Variants in SNX24 observed in about 807,000 individuals in gnomAD.
SNX24 encodes the protein sorting nexin 24, also known as sorting nexin-24.
In SNX24, 22 loss-of-function variants were observed where a neutral mutation model predicts 28.7. The ratio of observed to expected loss-of-function variants is 0.77; its 90% CI spans 0.55 to 1.10. The LOEUF is 1.10. SNX24 is among the 50% of genes least tolerant of loss of function. The pLI, the probability that SNX24 is intolerant of heterozygous loss-of-function variation, is 0.00. For synonymous variants in SNX24, 69 were observed against 71.5 expected, an observed-to-expected ratio of 0.96 and a Z score of 0.18; for missense variants, 221 against 201.1, an observed-to-expected ratio of 1.10 and a Z score of -0.60.
chr5:122,859,578 G>A (rs995390797), intron 1 of SNX24, among the ~76,000 whole-genome samples: 1 of 152,088 alleles, frequency 6.6e-6, no homozygotes, highest in Non-Finnish European at 1.5e-5. Flanking sequence ...CCCTAGCCTG[G>A]GTGGCAGAGC....
chr5:122,852,767 T>G (rs1006902122), intron 1 of SNX24, among the ~76,000 whole-genome samples: 2 of 152,154 alleles, frequency 1.3e-5, no homozygotes, highest in African/African-American at 4.8e-5. Context: ...CCAGTGCCAA[T>G]TTGCTGAGGC....
intron 3 of SNX24, among the ~76,000 whole-genome samples, chr5:122,984,935 A>G (rs1199313413): frequency 6.6e-6 from 1 of 152,194 alleles, no homozygotes; most frequent in Non-Finnish European, 1.5e-5. Context: ...AAAAAGAAAA[A>G]AAGGTATAGT....
In SNX24 at chr5:122,991,585, G is replaced by A. The variant is rs762733405; in HGVS notation, c.250-8327G>A. Among the ~76,000 whole-genome samples, 3 of 152,156 alleles carry A rather than the reference G, an allele frequency of 2.0e-5. 1 individual carries two copies. Among genetic ancestry groups the A allele is most frequent in the African/African-American group, 7.2e-5 (3 of 41,520 alleles). On this transcript the variant is annotated intron_variant, in intron 3 of 6. Transcript: ENST00000261369. ...AGTGATTCTTGTGCCTCAGCCTCCC[G>A]AGTAGTTGGGATCACAGGCACGTGC...
rs140571522 is a variant in SNX24, at chr5:123,018,490, G to A, written n.384-10748G>A. On this transcript the variant is annotated intron_variant and non_coding_transcript_variant, in intron 5 of 5. Transcript: ENST00000502387. ...AAATGGCGGCTGTAGTTTTAACAGC[G>A]CTTTGAAGGCCCACCATGCTCCAGG... is the stretch of plus-strand genomic sequence containing the variant. Among the ~76,000 whole-genome samples the A allele has an allele frequency of 1.2e-4, 18 of 152,252 alleles. No individual in the cohort carries two copies. In the East Asian group the frequency reaches 2.5e-3, roughly 21 times the overall value.
At chr5:122,965,396 G>GAGTC in intron 3 of SNX24, 1 of 453,472 alleles carries the variant, frequency 2.2e-6, no homozygotes, top group South Asian at 1.6e-5. Flanking sequence ...AGGGACTTCT[G>GAGTC]AGAACAAATA....
intron 3 of SNX24, among the ~76,000 whole-genome samples, chr5:122,957,973 A>T (rs30067): frequency 0.77 from 117,008 of 152,110 alleles, 45,883 homozygotes; most frequent in East Asian, 0.99. Context: ...CATGCAAACA[A>T]AGATAATTTT....
At chr5:122,898,730 A>T (rs184130836) in intron 1 of SNX24, among the ~76,000 whole-genome samples, 7 of 152,238 alleles carry the variant, frequency 4.6e-5, no homozygotes, top group Admixed American at 3.9e-4. Context: ...GCTTCTGTTG[A>T]TACTGTTTTC....
At chr5:122,900,283 C>T (rs147350140) in intron 1 of SNX24, among the ~76,000 whole-genome samples, 3 of 151,916 alleles carry the variant, frequency 2.0e-5, no homozygotes, top group Middle Eastern at 3.2e-3. Context: ...CACAATCAAG[C>T]GAATTAACAT....
Position 123,009,064 on chromosome 5 carries a change from T to C in SNX24, c.*1315T>C. 2.0e-6 allele frequency: 2 copies of C among 985,464 alleles called. No individual in the cohort carries two copies. The highest frequency in any genetic ancestry group is 2.4e-6 in the Non-Finnish European group (2 of 829,548). The allele number at this position is 985,464 out of a possible 1,614,324, so 61.0% of individuals were successfully genotyped here. A position where few individuals can be genotyped will look rare whatever the true frequency, so the allele number is the denominator to read the frequency against. ...CAAACTTTTAAAATATTATGATAGA[T>C]TCTGTACTACATGTGGGAAACAAGC... On this transcript the variant is annotated 3_prime_UTR_variant, in exon 7 of 7. Coordinates refer to ENST00000261369, the MANE Select transcript of SNX24 (RefSeq NM_014035.4).
chr5:122,949,167 CTG>C (rs1759826470), intron 3 of SNX24, among the ~76,000 whole-genome samples: 1 of 152,108 alleles, frequency 6.6e-6, no homozygotes, highest in Non-Finnish European at 1.5e-5. Context: ...ACTTTTAAAA[CTG>C]TTTTTTATTC....
intron 2 of SNX24, among the ~76,000 whole-genome samples, chr5:122,938,113 C>G (rs551450315): frequency 1.3e-5 from 2 of 152,254 alleles, no homozygotes; most frequent in South Asian, 2.1e-4. Flanking sequence ...CAGCTGTACT[C>G]TCCGGATACT....
intron 1 of SNX24, among the ~76,000 whole-genome samples, chr5:122,881,234 A>AAG (rs33951173): frequency 0.78 from 118,007 of 151,990 alleles, 46,831 homozygotes; most frequent in East Asian, 0.99. Flanking sequence ...TTTTTAAAAA[A>AAG]CATTTCACAG....
intron 3 of SNX24, among the ~76,000 whole-genome samples, chr5:122,956,736 G>A (rs1760234353): frequency 6.6e-6 from 1 of 152,148 alleles, no homozygotes; most frequent in Admixed American, 6.5e-5. Context: ...ACTGATGGGT[G>A]TGAGGTGGTA....
At chr5:123,024,767 C>T (rs888560340) in intron 5 of SNX24, among the ~76,000 whole-genome samples, 1 of 152,142 alleles carries the variant, frequency 6.6e-6, no homozygotes, top group Non-Finnish European at 1.5e-5. Context: ...GGTTTATTTA[C>T]ATTTGGATGA....
At chr5:122,966,264 CTT>C (rs1284688483) in intron 3 of SNX24, among the ~76,000 whole-genome samples, 1 of 152,140 alleles carries the variant, frequency 6.6e-6, no homozygotes, top group African/African-American at 2.4e-5. Flanking sequence ...AGTTAGCAAA[CTT>C]TTTCTTTTTT....
At chr5:122,880,132 A>C (rs566930367) in intron 1 of SNX24, among the ~76,000 whole-genome samples, 1 of 152,318 alleles carries the variant, frequency 6.6e-6, no homozygotes, top group African/African-American at 2.4e-5. Context: ...ACATTTACCA[A>C]ATTAAAATAT....
At chr5:122,963,964 C>T (rs906431173) in intron 3 of SNX24, among the ~76,000 whole-genome samples, 11 of 152,112 alleles carry the variant, frequency 7.2e-5, no homozygotes, top group Non-Finnish European at 1.5e-4. Flanking sequence ...AGTTCTGGGC[C>T]GGGCGCGATG....
At chr5:122,907,173 C>T (rs246284) in intron 1 of SNX24, among the ~76,000 whole-genome samples, 26,290 of 152,072 alleles carry the variant, frequency 0.17, 2,761 homozygotes, top group East Asian at 0.48. Context: ...AGGCTCCAAA[C>T]CTTAAACAAG....
At chr5:122,915,703 C>T (rs1315784493) in intron 1 of SNX24, among the ~76,000 whole-genome samples, 2 of 152,198 alleles carry the variant, frequency 1.3e-5, no homozygotes, top group Non-Finnish European at 2.9e-5. Context: ...AGTGGCTTCT[C>T]CTTTCTTGTA....
Sources: allele counts gnomAD v4.1 joint callset (sites outside exome capture counted in the v4.1 genomes callset), GRCh38; gene constraint gnomAD v4.1.1; transcripts MANE v1.5; gene names NCBI Gene and HGNC (gene_info 2026-07-23, HGNC 2026-07-21).